Variants in BBS9 observed in about 807,000 individuals in gnomAD.
The protein encoded by BBS9 is protein PTHB1.
Under a neutral mutation model 117.7 loss-of-function variants are expected in BBS9, and 89 were observed. The ratio of observed to expected loss-of-function variants is 0.76; its 90% CI spans 0.64 to 0.90. The LOEUF (loss-of-function observed/expected upper bound fraction) is 0.90, where lower values mean the gene tolerates loss of function less well. Among genes scored for constraint, BBS9 ranks in the 40% least tolerant of loss-of-function variants. The pLI is 0.00. For missense variants in BBS9, 982 were observed against 1,042.2 expected (o/e 0.94, Z 0.80); for synonymous variants, 379 against 370.9 (o/e 1.02, Z -0.25).
At chr7:33,273,236 G>A (rs1197283360) in intron 8 of BBS9, 41 bp downstream of exon 8, 9 of 1,601,232 alleles carry the variant, frequency 5.6e-6, no homozygotes, top group Non-Finnish European at 7.7e-6. Flanking sequence ...CATATGTCAA[G>A]GCTATGTGAT....
intron 1 of BBS9, among the ~76,000 whole-genome samples, chr7:33,131,649 T>G (rs1789627332): frequency 1.3e-5 from 2 of 152,190 alleles, no homozygotes; most frequent in Non-Finnish European, 2.9e-5. Flanking sequence ...AACCTGTATG[T>G]TTTTTCCACA....
chr7:33,184,861 G>A (rs536926965), intron 5 of BBS9, among the ~76,000 whole-genome samples: 2 of 152,278 alleles, frequency 1.3e-5, no homozygotes, highest in African/African-American at 4.8e-5. Flanking sequence ...TACTCCATTG[G>A]CAGAGCAGCC....
chr7:33,264,424 C>A, intron 7 of BBS9, 50 bp downstream of exon 7: 1 of 1,053,846 alleles, frequency 9.5e-7, no homozygotes, highest in Non-Finnish European at 1.4e-6. Flanking sequence ...TATATCTAAT[C>A]ACATATGTTT....
chr7:33,234,720 C>T (rs1385439779), intron 5 of BBS9, among the ~76,000 whole-genome samples: 3 of 150,848 alleles, frequency 2.0e-5, no homozygotes, highest in Non-Finnish European at 4.4e-5. Flanking sequence ...CACACACATA[C>T]ATTTATATAC....
chr7:33,557,944 G>A (rs1205977377), intron 21 of BBS9, among the ~76,000 whole-genome samples: 1 of 152,178 alleles, frequency 6.6e-6, no homozygotes, highest in Non-Finnish European at 1.5e-5. Context: ...CAAGGTTATG[G>A]CCTGTGGCCT....
chr7:33,464,339 A>G (rs985064513), intron 19 of BBS9, among the ~76,000 whole-genome samples: 1 of 152,084 alleles, frequency 6.6e-6, no homozygotes, highest in Non-Finnish European at 1.5e-5. Context: ...CTGGTTTTCT[A>G]CTTACTCCCT....
chr7:33,569,675 T>C (rs1857468271), intron 21 of BBS9, among the ~76,000 whole-genome samples: 1 of 151,632 alleles, frequency 6.6e-6, no homozygotes, highest in Non-Finnish European at 1.5e-5. Flanking sequence ...GGCAGGAGAA[T>C]GGCGTGAACC....
chr7:33,414,968 T>C (rs1405021451), intron 19 of BBS9, among the ~76,000 whole-genome samples: 2 of 152,174 alleles, frequency 1.3e-5, no homozygotes, highest in African/African-American at 4.8e-5. Flanking sequence ...CAACTTCAAA[T>C]TGAAGCCTAA....
intron 21 of BBS9, among the ~76,000 whole-genome samples, chr7:33,552,381 TC>T (rs1854575690): frequency 6.6e-6 from 1 of 152,090 alleles, no homozygotes; most frequent in Non-Finnish European, 1.5e-5. Flanking sequence ...AGCTCTCTAC[TC>T]CTCCCCACCT....
intron 4 of BBS9, among the ~76,000 whole-genome samples, chr7:33,176,043 A>G (rs2128159577): frequency 6.6e-6 from 1 of 152,342 alleles, no homozygotes; most frequent in East Asian, 1.9e-4. Context: ...GGCCTTCTCC[A>G]TTGAAAAGAG....
At chr7:33,608,462 G>A (rs930654016), downstream of BBS9, among the ~76,000 whole-genome samples, 24 of 152,094 alleles carry the variant, frequency 1.6e-4, 1 homozygote. Context: ...TCTCCAAACT[G>A]CTGTCTACAG....
chr7:33,595,622 T>A (rs1862620802), intron 21 of BBS9, among the ~76,000 whole-genome samples: 1 of 152,192 alleles, frequency 6.6e-6, no homozygotes, highest in African/African-American at 2.4e-5. Flanking sequence ...TGGAAGACAG[T>A]GTGGCGATTC....
intron 9 of BBS9, among the ~76,000 whole-genome samples, chr7:33,289,339 C>T (rs1803540382): frequency 6.6e-6 from 1 of 152,044 alleles, no homozygotes; most frequent in African/African-American, 2.4e-5. Flanking sequence ...AATGATGCAG[C>T]CAAGCCTCTT....
intron 21 of BBS9, among the ~76,000 whole-genome samples, chr7:33,559,041 G>T (rs1347493006): frequency 6.6e-6 from 1 of 152,276 alleles, no homozygotes; most frequent in African/African-American, 2.4e-5. Context: ...CTAGCTTCTT[G>T]TGTTGAAACC....
At chr7:33,580,214 A>C (rs1264607458) in intron 21 of BBS9, among the ~76,000 whole-genome samples, 1 of 151,616 alleles carries the variant, frequency 6.6e-6, no homozygotes, top group Admixed American at 6.6e-5. Flanking sequence ...CAGGAGTCTC[A>C]CTCCAGCACG....
At chr7:33,263,328 C>T (rs1034131330) in intron 6 of BBS9, among the ~76,000 whole-genome samples, 1 of 151,986 alleles carries the variant, frequency 6.6e-6, no homozygotes, top group African/African-American at 2.4e-5. Flanking sequence ...TCATTCAGGT[C>T]CCTGATTTTT....
intron 18 of BBS9, 122 bp downstream of exon 18, chr7:33,383,960 T>C: frequency 9.6e-7 from 1 of 1,042,854 alleles, no homozygotes; most frequent in East Asian, 2.6e-5. Flanking sequence ...TTTTCTTATG[T>C]GGATGGTGGA....
chr7:33,635,548 C>T (rs980875552), exon 22 of BBS9, among the ~76,000 whole-genome samples: 5 of 152,332 alleles, frequency 3.3e-5, no homozygotes, highest in East Asian at 3.9e-4. Flanking sequence ...TTCAACAAAC[C>T]CCGCCTTGTT....
chr7:33,528,182 A>T (rs1482191461), intron 20 of BBS9, among the ~76,000 whole-genome samples: 2 of 152,116 alleles, frequency 1.3e-5, no homozygotes, highest in African/African-American at 4.8e-5. Flanking sequence ...ACAGTTTGTT[A>T]TTAAGATAAA....
Sources: allele counts gnomAD v4.1 joint callset (sites outside exome capture counted in the v4.1 genomes callset), GRCh38; gene constraint gnomAD v4.1.1; transcripts MANE v1.5; gene names NCBI Gene and HGNC (gene_info 2026-07-23, HGNC 2026-07-21).